The following STX18 variants were observed in gnomAD, a reference collection of about 807,000 sequenced individuals.
STX18 encodes syntaxin 18, also known as syntaxin-18.
In STX18, 40 loss-of-function variants were observed where a neutral mutation model predicts 50.1. The ratio of observed to expected loss-of-function variants is 0.80; its 90% CI spans 0.62 to 1.04. The LOEUF is 1.04. Among genes scored for constraint, STX18 ranks in the 50% least tolerant of loss-of-function variants. The probability of loss-of-function intolerance (pLI) is 0.00; values close to 1 mark genes in which losing one functional copy is unlikely to be tolerated. For synonymous variants in STX18, 158 were observed against 151.8 expected (o/e 1.04, Z -0.30); for missense variants, 410 against 415.8 (o/e 0.99, Z 0.12).
At chr4:4,432,046 A>G (rs1050663613) in intron 7 of STX18, among the ~76,000 whole-genome samples, 1 of 152,218 alleles carries the variant, frequency 6.6e-6, no homozygotes. Flanking sequence ...GAAGGCAAGG[A>G]CCTTGCAGGG....
intron 5 of STX18, among the ~76,000 whole-genome samples, chr4:4,452,167 G>A (rs1431935533): frequency 6.6e-6 from 1 of 152,178 alleles, no homozygotes; most frequent in East Asian, 1.9e-4. Flanking sequence ...TTCTGTGAAG[G>A]CTAAGAAAGG....
At chr4:4,493,303 C>T (rs945477224) in intron 1 of STX18, among the ~76,000 whole-genome samples, 10 of 147,866 alleles carry the variant, frequency 6.8e-5, no homozygotes, top group African/African-American at 2.5e-4. Context: ...CCCTCCACTG[C>T]CCATGGTTAA....
intron 5 of STX18, among the ~76,000 whole-genome samples, chr4:4,452,813 G>A (rs1460622425): frequency 1.3e-5 from 2 of 152,166 alleles, no homozygotes; most frequent in Non-Finnish European, 2.9e-5. Context: ...CATCTTAGAC[G>A]CCATTAAGAA....
chr4:4,501,275 T>C (rs759400644), intron 1 of STX18, among the ~76,000 whole-genome samples: 1 of 152,180 alleles, frequency 6.6e-6, no homozygotes, highest in Non-Finnish European at 1.5e-5. Flanking sequence ...ATTTCTAAAA[T>C]ATAGCCACAT....
chr4:4,464,441 T>C (rs1325985742), intron 2 of STX18, among the ~76,000 whole-genome samples: 1 of 152,254 alleles, frequency 6.6e-6, no homozygotes, highest in African/African-American at 2.4e-5. Context: ...ATCTTTTTCA[T>C]CTCTGCATGT....
At chr4:4,450,505 T>C (rs1221074945) in intron 5 of STX18, among the ~76,000 whole-genome samples, 2 of 152,170 alleles carry the variant, frequency 1.3e-5, no homozygotes, top group Non-Finnish European at 1.5e-5. Flanking sequence ...GGTTTTGCCA[T>C]ATTGCCCAGG....
At chr4:4,437,524 A>T in intron 6 of STX18, 1 of 820,522 alleles carries the variant, frequency 1.2e-6, no homozygotes, top group Non-Finnish European at 1.5e-6. Context: ...ATTTGAAAAA[A>T]CCCTAAATCC....
intron 5 of STX18, among the ~76,000 whole-genome samples, chr4:4,439,471 CATAT>C (rs1322845621): frequency 1.5e-5 from 2 of 132,472 alleles, no homozygotes; most frequent in East Asian, 4.5e-4. Flanking sequence ...TCTACATACA[CATAT>C]ATACATACAC....
chr4:4,464,633 T>C (rs937280247), intron 2 of STX18, among the ~76,000 whole-genome samples: 1 of 152,210 alleles, frequency 6.6e-6, no homozygotes, highest in South Asian at 2.1e-4. Context: ...AGCTACCTGT[T>C]TGCAGTAGTT....
chr4:4,441,964 A>C (rs902449295), intron 5 of STX18, among the ~76,000 whole-genome samples: 1 of 152,250 alleles, frequency 6.6e-6, no homozygotes, highest in Non-Finnish European at 1.5e-5. Context: ...GCTCGAATCT[A>C]GGGTATAGGT....
chr4:4,466,111 T>A (rs1011924479), intron 2 of STX18, among the ~76,000 whole-genome samples: 1 of 152,024 alleles, frequency 6.6e-6, no homozygotes, highest in East Asian at 1.9e-4. Flanking sequence ...AAAAGTACCA[T>A]AAGAAAAGCA....
At chr4:4,516,376 A>C (rs964568968) in intron 1 of STX18, among the ~76,000 whole-genome samples, 1 of 152,232 alleles carries the variant, frequency 6.6e-6, no homozygotes, top group African/African-American at 2.4e-5. Context: ...GAATATAACT[A>C]GCTGCCTATT....
chr4:4,425,470 G>T (rs1725198776), intron 7 of STX18: 2 of 585,664 alleles, frequency 3.4e-6, no homozygotes, highest in Non-Finnish European at 6.1e-6. Context: ...GCACTCCAGG[G>T]GTACAAGCTG....
chr4:4,499,875 C>A (rs1010635714), intron 1 of STX18, among the ~76,000 whole-genome samples: 2 of 143,868 alleles, frequency 1.4e-5, no homozygotes, highest in African/African-American at 5.1e-5. Flanking sequence ...TTTTTTTTTT[C>A]AAATAAAATG....
intron 8 of STX18, among the ~76,000 whole-genome samples, 187 bp downstream of exon 8, chr4:4,424,969 ACCCACAGG>A: frequency 6.6e-6 from 1 of 152,062 alleles, no homozygotes; most frequent in Admixed American, 6.5e-5. Flanking sequence ...GCAGGAGGTA[ACCCACAGG>A]CCCACAAGCT....
intron 1 of STX18, among the ~76,000 whole-genome samples, chr4:4,483,586 T>C (rs962252517): frequency 2.6e-5 from 4 of 152,196 alleles, no homozygotes; most frequent in Middle Eastern, 3.2e-3. Context: ...CACTCCCGGT[T>C]TACCTGACCT....
rs1279627534 is a variant in STX18, at chr4:4,420,477, G to C, written c.913-348C>G. Reference sequence around the variant, plus strand: ...GTGGTGACCCAACCCTGAGGACTGAGCTTGGGAAACAGTCCCCTCAACAGG... The same window carrying C: ...GTGGTGACCCAACCCTGAGGACTGACCTTGGGAAACAGTCCCCTCAACAGG... On this transcript the variant is annotated intron_variant, in intron 10 of 10. Coordinates refer to ENST00000306200, the MANE Select transcript of STX18 (RefSeq NM_016930.4). The surrounding 1 kb of genome is among the most constrained non-coding windows in gnomAD (Gnocchi z 4.3). 1.8e-5 allele frequency: 7 copies of C among 393,170 alleles called. No homozygotes were observed. Among genetic ancestry groups the C allele is most frequent in the Non-Finnish European group, 2.8e-5 (6 of 214,738 alleles). The allele number at this position is 393,170 out of a possible 1,614,324, so 24.4% of individuals were successfully genotyped here.
chr4:4,457,226 G>T lies in STX18; in HGVS notation c.462C>A (p.Ala154=), dbSNP rs1036767581. 1 of 1,613,982 alleles carries T rather than the reference G, an allele frequency of 6.2e-7. No individual in the cohort carries two copies. The highest frequency in any genetic ancestry group is 1.3e-5 in the African/African-American group (1 of 74,910). ...RVCKLYSEQR[A]IRVKRVVDKK... ...TATCCACCACTCTTTTAACTCGGAT[G>T]GCTCTCTGTTCTGAGTAAAGTTTAC... The change falls in exon 5 of 11, where the codon GCC becomes GCA. Residue 154 remains alanine, a synonymous_variant. Coordinates refer to ENST00000306200, the MANE Select transcript of STX18 (RefSeq NM_016930.4).
At chr4:4,484,210 C>A (rs938512039) in intron 1 of STX18, among the ~76,000 whole-genome samples, 3 of 152,132 alleles carry the variant, frequency 2.0e-5, no homozygotes, top group African/African-American at 7.2e-5. Flanking sequence ...GGCTTCTGGC[C>A]ATACTTACTA....
Sources: gnomAD v4.1 joint callset for allele counts (sites outside exome capture counted in the v4.1 genomes callset) on GRCh38, gnomAD v4.1.1 for gene constraint, Gnocchi (gnomAD v3.1) non-coding constraint, MANE v1.5 for transcripts, NCBI Gene and HGNC (gene_info 2026-07-23, HGNC 2026-07-21) for gene names.